NELL2: variants seen among roughly 807,000 people sequenced by gnomAD.
NELL2 encodes the protein neural EGFL like 2, also known as protein kinase C-binding protein NELL2.
NELL2 carries 41 observed loss-of-function variants against 109.6 expected under a neutral mutation model. The ratio of observed to expected loss-of-function variants is 0.37; its 90% confidence interval spans 0.29 to 0.49. The LOEUF is 0.49. Ranked by LOEUF, NELL2 falls within the 20% of genes least tolerant of loss-of-function variation. NELL2 has a pLI of 0.98. For missense variants in NELL2, 900 were observed against 1,008.3 expected (o/e 0.89, Z 1.45); for synonymous variants, 355 against 344.7 (o/e 1.03, Z -0.33).
chr12:44,794,644 A>G (rs76385810), intron 3 of NELL2, among the ~76,000 whole-genome samples: 10,983 of 152,118 alleles, frequency 0.072, 574 homozygotes, highest in Non-Finnish European at 0.11. Flanking sequence ...CCCATCTGCA[A>G]CCTCCCCAGA....
At chr12:44,741,920 T>C (rs968832521) in intron 9 of NELL2, among the ~76,000 whole-genome samples, 1 of 152,204 alleles carries the variant, frequency 6.6e-6, no homozygotes, top group African/African-American at 2.4e-5. Flanking sequence ...CAGTAACCTC[T>C]GCAGACTTAA....
intron 16 of NELL2, among the ~76,000 whole-genome samples, chr12:44,531,687 A>G (rs1283505006): frequency 6.6e-6 from 1 of 152,206 alleles, no homozygotes; most frequent in Non-Finnish European, 1.5e-5. Context: ...ACATCTTATC[A>G]TTTAGGTGTC....
At chr12:44,712,957 G>C (rs1184595924) in intron 10 of NELL2, among the ~76,000 whole-genome samples, 1 of 151,722 alleles carries the variant, frequency 6.6e-6, no homozygotes, top group Non-Finnish European at 1.5e-5. Context: ...GTAGAAAATG[G>C]TGCCTTTTGT....
chr12:44,904,939 C>T (rs1945703253), intron 1 of NELL2, among the ~76,000 whole-genome samples: 1 of 151,998 alleles, frequency 6.6e-6, no homozygotes, highest in Non-Finnish European at 1.5e-5. Context: ...ATGATTTCCC[C>T]ACTGGGCATT....
At chr12:44,714,148 C>G (rs1261923386) in intron 10 of NELL2, among the ~76,000 whole-genome samples, 1 of 151,868 alleles carries the variant, frequency 6.6e-6, no homozygotes, top group South Asian at 2.1e-4. Flanking sequence ...CTTCAGAAAC[C>G]TTGGCAAGTA....
intron 2 of NELL2, among the ~76,000 whole-genome samples, chr12:44,874,796 C>T (rs1327458383): frequency 6.6e-5 from 10 of 151,994 alleles, no homozygotes; most frequent in African/African-American, 1.9e-4. Context: ...AGAAAGCTAC[C>T]CCCATAAAAC....
intron 13 of NELL2, among the ~76,000 whole-genome samples, chr12:44,625,100 G>A (rs1592227312): frequency 6.7e-6 from 1 of 148,730 alleles, no homozygotes; most frequent in South Asian, 2.1e-4. Context: ...TTTGGGGATA[G>A]GAAAGTCCTC....
intron 2 of NELL2, among the ~76,000 whole-genome samples, chr12:44,868,610 A>G (rs755840018): frequency 2.6e-5 from 4 of 152,226 alleles, no homozygotes; most frequent in Non-Finnish European, 5.9e-5. Flanking sequence ...CCTGGAAGAC[A>G]TTATGTAAAG....
rs757695015 is a variant in NELL2, at chr12:44,779,718, G to A, written c.551C>T (p.Pro184Leu). 6.2e-7 allele frequency: 1 copy of A among 1,614,010 alleles called. No individual in the cohort carries two copies. The highest frequency in any genetic ancestry group is 1.1e-5 in the South Asian group (1 of 91,082). Residue 184 changes from proline to leucine, a missense_variant, in exon 5 of 20, where the codon CCT becomes CTT. By Grantham distance (98) the Pro-to-Leu change is moderately conservative (BLOSUM62 -3). This residue lies in a region of NELL2 where 75 missense variants were observed against 118.9 expected (regional missense o/e 0.63). Coordinates refer to ENST00000429094, the MANE Select transcript of NELL2 (RefSeq NM_001145108.2). Reference sequence around the variant, plus strand: ...TCCTAGCCAAAATGTTGTGCCTAGAGGCAAGTCTGTGGAGGGCTTTTCTAC... The same window carrying A: ...TCCTAGCCAAAATGTTGTGCCTAGAAGCAAGTCTGTGGAGGGCTTTTCTAC... ...RVVEKPSTDL[P>L]LGTTFWLGQR...
At chr12:44,729,795 T>G (rs1474701950) in intron 9 of NELL2, among the ~76,000 whole-genome samples, 3 of 151,912 alleles carry the variant, frequency 2.0e-5, no homozygotes, top group African/African-American at 7.3e-5. Flanking sequence ...TGTTTGGTTG[T>G]TTATTTATTC....
At chr12:44,877,378 C>T (rs879364164), upstream of NELL2, among the ~76,000 whole-genome samples, 1 of 152,140 alleles carries the variant, frequency 6.6e-6, no homozygotes, top group Non-Finnish European at 1.5e-5. Flanking sequence ...GAACATAGCC[C>T]TAAAATTTTT....
chr12:44,865,391 T>C (rs1369267009), intron 2 of NELL2, among the ~76,000 whole-genome samples: 1 of 132,398 alleles, frequency 7.6e-6, no homozygotes, highest in East Asian at 2.2e-4. Context: ...TTATTCACAA[T>C]AGCAAAGACT....
chr12:44,909,246 A>C, intron 1 of NELL2, among the ~76,000 whole-genome samples: 1 of 152,054 alleles, frequency 6.6e-6, no homozygotes, highest in Admixed American at 6.6e-5. Flanking sequence ...AGAATATAAA[A>C]TCAACATAGA....
At chr12:44,823,279 T>TTCAAGTATACA (rs1350241947) in intron 2 of NELL2, among the ~76,000 whole-genome samples, 1 of 152,176 alleles carries the variant, frequency 6.6e-6, no homozygotes, top group African/African-American at 2.4e-5. Context: ...ACATTTGAAT[T>TTCAAGTATACA]TCAAGTATAC....
At chr12:44,789,869 A>C (rs1416746784) in intron 3 of NELL2, among the ~76,000 whole-genome samples, 1 of 152,172 alleles carries the variant, frequency 6.6e-6, no homozygotes, top group Non-Finnish European at 1.5e-5. Flanking sequence ...AAGTAGAAGA[A>C]AGAAATTCAG....
chr12:44,633,003 G>T (rs942040387), intron 13 of NELL2, among the ~76,000 whole-genome samples: 13 of 151,940 alleles, frequency 8.6e-5, no homozygotes, highest in Non-Finnish European at 4.4e-5. Flanking sequence ...AGGGAGAATA[G>T]AAAATAGGAA....
At chr12:44,667,007 T>G (rs1947946489) in intron 12 of NELL2, among the ~76,000 whole-genome samples, 1 of 152,218 alleles carries the variant, frequency 6.6e-6, no homozygotes, top group South Asian at 2.1e-4. Context: ...CAAGAATCTA[T>G]TTAAATGTCC....
intron 9 of NELL2, among the ~76,000 whole-genome samples, chr12:44,738,862 T>C (rs932646321): frequency 6.6e-6 from 1 of 152,208 alleles, no homozygotes; most frequent in African/African-American, 2.4e-5. Context: ...GTTAATAAGC[T>C]GAATTAGTGA....
intron 2 of NELL2, among the ~76,000 whole-genome samples, chr12:44,865,048 T>C (rs2136817908): frequency 7.4e-6 from 1 of 135,834 alleles, no homozygotes; most frequent in South Asian, 2.8e-4. Context: ...CCTGACTTTT[T>C]AATGATTGCC....
Sources: allele counts gnomAD v4.1 joint callset (sites outside exome capture counted in the v4.1 genomes callset), GRCh38; gene constraint gnomAD v4.1.1; regional missense constraint gnomAD v4.1.1; transcripts MANE v1.5; gene names NCBI Gene and HGNC (gene_info 2026-07-23, HGNC 2026-07-21).